The following RBBP8 variants were observed in gnomAD, a reference collection of about 807,000 sequenced individuals.
RBBP8 encodes the protein RB binding protein 8, endonuclease.
RBBP8 carries 88 observed loss-of-function variants against 108.3 expected under a neutral mutation model. That is an observed-to-expected ratio of 0.81 (90% CI 0.68 to 0.97). The LOEUF (loss-of-function observed/expected upper bound fraction) is 0.97, where lower values mean the gene tolerates loss of function less well. Among genes scored for constraint, RBBP8 ranks in the 50% least tolerant of loss-of-function variants. The pLI, the probability that RBBP8 is intolerant of heterozygous loss-of-function variation, is 0.00. For synonymous variants in RBBP8, 332 were observed against 348.2 expected, an observed-to-expected ratio of 0.95 and a Z score of 0.52; for missense variants, 1,023 against 1,049.0, an observed-to-expected ratio of 0.98 and a Z score of 0.34.
Position 22,936,765 on chromosome 18 carries a change from G to A in RBBP8, c.-87G>A. On this transcript the variant is annotated 5_prime_UTR_variant, in exon 2 of 19. Transcript: ENST00000327155. ...ATCTGTCATTTCAGGTATTTGACCT[G>A]TCCAAAGACGACTTGATACCTCTAT... 5.3e-6 allele frequency: 8 copies of A among 1,501,600 alleles called. No homozygotes were observed. The highest frequency in any genetic ancestry group is 7.4e-6 in the Non-Finnish European group (8 of 1,081,692). 93.0% of individuals were successfully genotyped at this position (1,501,600 alleles called of 1,614,324 possible).
intron 18 of RBBP8, among the ~76,000 whole-genome samples, chr18:23,024,134 C>G (rs1355942404): frequency 1.3e-5 from 2 of 151,268 alleles, no homozygotes; most frequent in Admixed American, 1.3e-4. Flanking sequence ...ATCCACCCGC[C>G]TCAGCCTCCC....
Position 22,922,508 on chromosome 18 carries a change from G to T in RBBP8, c.-154+5482G>T, listed in dbSNP as rs368427721. On this transcript the variant is annotated intron_variant, in intron 3 of 4. Coordinates refer to the RBBP8 transcript ENST00000577588. The stretch of plus-strand genomic sequence containing the variant: ...GACAGGGTCTCACTCTGTCACCCAG[G>T]CTGGAGTGAGGTGGCAAGATCTCAG... Among the ~76,000 whole-genome samples, 49 of 152,170 alleles carry T rather than the reference G, an allele frequency of 3.2e-4. No individual in the cohort carries two copies. In the East Asian group the frequency reaches 5.0e-3, roughly 16 times the overall value.
intron 2 of RBBP8, among the ~76,000 whole-genome samples, chr18:22,942,077 G>GTGGTT (rs1911130580): frequency 6.6e-6 from 1 of 152,028 alleles, no homozygotes; most frequent in Non-Finnish European, 1.5e-5. Context: ...TTTTAAGGAG[G>GTGGTT]TGGGGAATCC....
chr18:22,957,756 A>T (rs1365813660), intron 4 of RBBP8, among the ~76,000 whole-genome samples: 1 of 152,200 alleles, frequency 6.6e-6, no homozygotes, highest in African/African-American at 2.4e-5. Flanking sequence ...TTTAAATTTA[A>T]ACTAGGATCA....
Position 22,993,855 on chromosome 18 carries a change from C to T in RBBP8, c.1939+8C>T. 1 of 1,610,806 alleles carries T rather than the reference C, an allele frequency of 6.2e-7. No homozygotes were observed. Among genetic ancestry groups the T allele is most frequent in the Non-Finnish European group, 8.5e-7 (1 of 1,177,242 alleles). On this transcript the variant is annotated splice_region_variant and intron_variant, in intron 12 of 18. Coordinates refer to ENST00000327155, the MANE Select transcript of RBBP8 (RefSeq NM_002894.3). The stretch of plus-strand genomic sequence containing the variant: ...CTCTACAAAACAACCAAGGTGTGTA[C>T]ACCATAAACAGGATCTCCACTTTTT...
rs1555650172 is a variant in RBBP8, at chr18:23,022,663, T to TAAAATAAAATAAAATAAATAA, written c.2596+401_2596+402insATAAAATAAATAAAAAATAAA. 6.4e-4 allele frequency among the ~76,000 whole-genome samples: 64 copies of TAAAATAAAATAAAATAAATAA among 99,710 alleles called. 6 individuals are homozygous for TAAAATAAAATAAAATAAATAA. The highest frequency in any genetic ancestry group is 1.0e-3 in the Admixed American group (9 of 8,734). 65.4% of individuals were successfully genotyped at this position (99,710 alleles called of 152,430 possible). A position where few individuals can be genotyped will look rare whatever the true frequency, so the allele number is the denominator to read the frequency against. On this transcript the variant is annotated intron_variant, in intron 18 of 18. Coordinates refer to ENST00000327155, the MANE Select transcript of RBBP8 (RefSeq NM_002894.3). ...AAATAAAATACAATATAAAATAAAA[T>TAAAATAAAATAAAATAAATAA]AAAATAAATAACTGTATATGCCCAA...
intron 2 of RBBP8, among the ~76,000 whole-genome samples, chr18:22,945,758 A>G (rs1911510166): frequency 6.6e-6 from 1 of 152,058 alleles, no homozygotes; most frequent in Non-Finnish European, 1.5e-5. Context: ...GGTTTGACTT[A>G]TATTTAGTTG....
chr18:22,949,539 A>G lies in RBBP8; in HGVS notation c.153-79A>G, dbSNP rs74984158. 40,284 of 1,046,010 alleles carry G rather than the reference A, an allele frequency of 0.039. 1,056 individuals carry two copies. Among genetic ancestry groups the G allele is most frequent in the East Asian group, 0.11 (4,487 of 42,084 alleles). 64.8% of individuals were successfully genotyped at this position (1,046,010 alleles called of 1,614,324 possible). A position where few individuals can be genotyped will look rare whatever the true frequency, so the allele number is the denominator to read the frequency against. ...TGTTTTGGTACAAGAAATTTGTTAT[A>G]TAAACACGGTGGAGCTCTTAGAATT... is the stretch of plus-strand genomic sequence containing the variant. On this transcript the variant is annotated intron_variant, in intron 3 of 18. Coordinates refer to ENST00000327155, the MANE Select transcript of RBBP8 (RefSeq NM_002894.3).
chr18:23,020,528 A>G (rs1308192574), intron 17 of RBBP8, among the ~76,000 whole-genome samples: 1 of 152,074 alleles, frequency 6.6e-6, no homozygotes, highest in African/African-American at 2.4e-5. Context: ...CTCTGTCCCC[A>G]TTCTCTTTTA....
In RBBP8 at chr18:22,984,872, T is replaced by C; in HGVS notation, c.605-14T>C. ...TTGTTTATTGTGTAATCTCTTATTT[T>C]TTTCTCCCCTTAGAAATGAGAAAAG... On this transcript the variant is annotated splice_polypyrimidine_tract_variant and intron_variant, in intron 7 of 18. Coordinates refer to ENST00000327155, the MANE Select transcript of RBBP8 (RefSeq NM_002894.3). 6.9e-7 allele frequency: 1 copy of C among 1,453,978 alleles called. No individual in the cohort carries two copies. The highest frequency in any genetic ancestry group is 9.6e-7 in the Non-Finnish European group (1 of 1,037,916). 90.1% of individuals were successfully genotyped at this position (1,453,978 alleles called of 1,614,324 possible). A position where few individuals can be genotyped will look rare whatever the true frequency, so the allele number is the denominator to read the frequency against.
chr18:22,956,866 A>G (rs1407765486), intron 4 of RBBP8, among the ~76,000 whole-genome samples: 1 of 152,166 alleles, frequency 6.6e-6, no homozygotes, highest in Non-Finnish European at 1.5e-5. Context: ...TAATGAGTAT[A>G]TTTACAGACT....
intron 14 of RBBP8, among the ~76,000 whole-genome samples, chr18:22,999,489 G>T (rs1034664690): frequency 1.3e-5 from 2 of 152,140 alleles, no homozygotes; most frequent in African/African-American, 4.8e-5. Context: ...GCAGAAGCAG[G>T]TGACATTTTT....
At chr18:22,979,339 T>TATTTATA (rs1914728079) in intron 6 of RBBP8, among the ~76,000 whole-genome samples, 1 of 152,106 alleles carries the variant, frequency 6.6e-6, no homozygotes, top group African/African-American at 2.4e-5. Flanking sequence ...ATTTAAAATT[T>TATTTATA]AAAAAATTTT....
At chr18:22,939,873 A>G (rs897631210) in intron 2 of RBBP8, among the ~76,000 whole-genome samples, 4 of 152,196 alleles carry the variant, frequency 2.6e-5, no homozygotes, top group Non-Finnish European at 5.9e-5. Context: ...ATGTCAGACC[A>G]GGCTTGATAA....
At chr18:23,007,446 T>C (rs940404272) in intron 16 of RBBP8, among the ~76,000 whole-genome samples, 2 of 151,976 alleles carry the variant, frequency 1.3e-5, no homozygotes, top group Non-Finnish European at 2.9e-5. Context: ...GGCTCACGCT[T>C]GTAATCCCAG....
chr18:22,933,065 T>C (rs1049125054), upstream of RBBP8, among the ~76,000 whole-genome samples: 2 of 152,202 alleles, frequency 1.3e-5, no homozygotes, highest in African/African-American at 4.8e-5. Context: ...CTAGACACAG[T>C]GTACAGATAA....
At chr18:22,949,507 GTTGTT>G (rs1258629100) in intron 3 of RBBP8, 106 bp from the exon 4 acceptor site, 83 of 809,202 alleles carry the variant, frequency 1.0e-4, no homozygotes. Flanking sequence ...GACCTTTTCA[GTTGTT>G]TTGTTTTGGT....
intron 8 of RBBP8, among the ~76,000 whole-genome samples, chr18:22,988,028 T>C (rs1377455750): frequency 6.6e-6 from 1 of 152,246 alleles, no homozygotes; most frequent in Non-Finnish European, 1.5e-5. Context: ...CCTAGATTTC[T>C]GCTTCATCTG....
chr18:22,970,843 C>T (rs1277776336), intron 5 of RBBP8, among the ~76,000 whole-genome samples: 1 of 152,178 alleles, frequency 6.6e-6, no homozygotes, highest in African/African-American at 2.4e-5. Flanking sequence ...CTGTTGACTT[C>T]ATTTTATAAC....
Sources: gnomAD v4.1 joint callset for allele counts (sites outside exome capture counted in the v4.1 genomes callset) on GRCh38, gnomAD v4.1.1 for gene constraint, MANE v1.5 for transcripts, NCBI Gene and HGNC (gene_info 2026-07-23, HGNC 2026-07-21) for gene names.